TRAF3: variants seen among roughly 807,000 people sequenced by gnomAD.
TRAF3 encodes the protein TNF receptor-associated factor 3.
Under a neutral mutation model 62.3 loss-of-function variants are expected in TRAF3, and 13 were observed. The observed-to-expected ratio is 0.21, with a 90% confidence interval of 0.14 to 0.33. The LOEUF (loss-of-function observed/expected upper bound fraction) is 0.33. Ranked by LOEUF, TRAF3 falls within the 10% of genes least tolerant of loss-of-function variation. The probability of loss-of-function intolerance (pLI) is 1.00; values close to 1 mark genes in which losing one functional copy is unlikely to be tolerated. For missense variants in TRAF3, 440 were observed against 741.8 expected (o/e 0.59, Z 4.73); for synonymous variants, 269 against 283.4 (o/e 0.95, Z 0.51).
chr14:102,905,941 G>A lies in TRAF3; in HGVS notation c.*157G>A. 8.1e-6 allele frequency: 5 copies of A among 620,126 alleles called. No homozygotes were observed. The South Asian group carries it at 8.1e-5, about 10-fold the overall frequency. 38.4% of individuals were successfully genotyped at this position (620,126 alleles called of 1,614,324 possible). A position where few individuals can be genotyped will look rare whatever the true frequency, so the allele number is the denominator to read the frequency against. On this transcript the variant is annotated 3_prime_UTR_variant, in exon 12 of 12. Transcript: ENST00000392745. ...TGCCGGCGGGAGGAGCCACGCGTGA[G>A]CACACCTGACACGTTTTATAATAGA...
chr14:102,801,156 A>G (rs1898388426), intron 1 of TRAF3, among the ~76,000 whole-genome samples: 1 of 151,876 alleles, frequency 6.6e-6, no homozygotes, highest in Admixed American at 6.6e-5. Flanking sequence ...ACAGAACGAG[A>G]CTCCGTGTCT....
chr14:102,872,136 G>A (rs1422601267), intron 4 of TRAF3, among the ~76,000 whole-genome samples, 168 bp downstream of exon 4: 7 of 152,224 alleles, frequency 4.6e-5, no homozygotes, highest in African/African-American at 1.7e-4. Flanking sequence ...TGGGCAGACA[G>A]TGGATTCAGA....
At chr14:102,881,906 T>C (rs527827038) in intron 6 of TRAF3, among the ~76,000 whole-genome samples, 2 of 152,350 alleles carry the variant, frequency 1.3e-5, no homozygotes, top group Admixed American at 6.5e-5. Flanking sequence ...CAGATGAGGC[T>C]GTAACAGGTC....
chr14:102,904,627 G>A (rs1181204944), intron 11 of TRAF3, among the ~76,000 whole-genome samples: 2 of 150,400 alleles, frequency 1.3e-5, no homozygotes, highest in Non-Finnish European at 3.0e-5. Flanking sequence ...TGGCTAACAC[G>A]GTGAAACCCC....
intron 2 of TRAF3, among the ~76,000 whole-genome samples, chr14:102,842,423 A>T (rs1354496250): frequency 2.0e-5 from 3 of 151,966 alleles, no homozygotes; most frequent in Non-Finnish European, 4.4e-5. Context: ...AAGACGTAGC[A>T]GTAGAAGCTT....
intron 2 of TRAF3, among the ~76,000 whole-genome samples, chr14:102,837,140 G>T (rs201504784): frequency 3.1e-4 from 32 of 102,214 alleles, no homozygotes; most frequent in African/African-American, 9.4e-4. Context: ...GTGTGTGTGT[G>T]TGTTTTTTTT....
chr14:102,883,090 A>G (rs1389464879), intron 6 of TRAF3, among the ~76,000 whole-genome samples: 2 of 152,222 alleles, frequency 1.3e-5, no homozygotes, highest in African/African-American at 4.8e-5. Flanking sequence ...GTTAACCAGC[A>G]GTTCTTCTCC....
At position 102,870,676 on chromosome 14, in the gene TRAF3, A is replaced by T. The variant is rs897804587; in HGVS notation, c.245+230A>T. The stretch of plus-strand genomic sequence containing the variant: ...TGACCTGCCCCGCCCGTGTCTTCCC[A>T]CTCCGTCTGTAGAGCCTTGGTGCCC... On this transcript the variant is annotated intron_variant, in intron 3 of 11. Transcript: ENST00000392745. 3.1e-4 allele frequency among the ~76,000 whole-genome samples: 47 copies of T among 151,384 alleles called. 2 individuals are homozygous for T. The highest frequency in any genetic ancestry group is 6.8e-3 in the Middle Eastern group (2 of 292).
chr14:102,802,801 C>T (rs972861738), intron 1 of TRAF3, among the ~76,000 whole-genome samples: 2 of 152,076 alleles, frequency 1.3e-5, no homozygotes, highest in African/African-American at 4.8e-5. Context: ...GCACTCTAGC[C>T]TGGGCAACCG....
Position 102,907,230 on chromosome 14 carries a change from AG to A in TRAF3, c.*1447del, listed in dbSNP as rs1890627735. 6.6e-6 allele frequency: 1 copy of A among 152,238 alleles called. No individual in the cohort carries two copies. The highest frequency in any genetic ancestry group is 2.4e-5 in the African/African-American group (1 of 41,468). The allele number at this position is 152,238 out of a possible 1,614,324, so 9.4% of individuals were successfully genotyped here. A position where few individuals can be genotyped will look rare whatever the true frequency, so the allele number is the denominator to read the frequency against. On this transcript the variant is annotated 3_prime_UTR_variant, in exon 12 of 12. Transcript: ENST00000392745. ...CCACCGGGGCCGTGGGCACCCCCACAGCCCGAAGCAGAACCCTCTGAGCATT... is the reference window on the plus strand; with the variant it reads ...CCACCGGGGCCGTGGGCACCCCCACACCCGAAGCAGAACCCTCTGAGCATT...
At position 102,862,766 on chromosome 14, in the gene TRAF3, A is replaced by G. The variant is rs576950357; in HGVS notation, c.-17-7419A>G. 3.3e-5 allele frequency among the ~76,000 whole-genome samples: 5 copies of G among 152,208 alleles called. No homozygotes were observed. The South Asian group carries it at 1.0e-3, about 32-fold the overall frequency. On this transcript the variant is annotated intron_variant, in intron 2 of 11. Transcript: ENST00000392745. Reference sequence around the variant, plus strand: ...ATGTTGGTACAATTGATGGTGTCCCACAAGTCTCTGAGGCTGTTTATTTTC... The same window carrying G: ...ATGTTGGTACAATTGATGGTGTCCCGCAAGTCTCTGAGGCTGTTTATTTTC...
chr14:102,777,968 A>G (rs1438827646), intron 1 of TRAF3, among the ~76,000 whole-genome samples: 2 of 149,874 alleles, frequency 1.3e-5, no homozygotes. Context: ...GCACCTTTTC[A>G]GGAAACGGGG....
chr14:102,860,149 C>T (rs950291597), intron 2 of TRAF3, among the ~76,000 whole-genome samples: 4 of 152,182 alleles, frequency 2.6e-5, no homozygotes, highest in African/African-American at 9.7e-5. Flanking sequence ...GCTCTTAATC[C>T]AGACACACAA....
rs906393886 is a variant in TRAF3 at position 102,785,787 on chromosome 14, C to T, written c.-157+8112C>T. ...TGAGCAGAGATGTAGGGGCTTGTTTCATGGCCATTTGTACCTGCTCCAGGA... is the reference window on the plus strand; with the variant it reads ...TGAGCAGAGATGTAGGGGCTTGTTTTATGGCCATTTGTACCTGCTCCAGGA... On this transcript the variant is annotated intron_variant, in intron 1 of 11. Transcript: ENST00000392745. Among the ~76,000 whole-genome samples, 2 of 152,170 alleles carry T rather than the reference C, an allele frequency of 1.3e-5. 1 individual carries two copies. Among genetic ancestry groups the T allele is most frequent in the Non-Finnish European group, 2.9e-5 (2 of 68,032 alleles).
chr14:102,813,458 C>CTTTTT (rs913736425), intron 1 of TRAF3, among the ~76,000 whole-genome samples: 8 of 140,476 alleles, frequency 5.7e-5, no homozygotes, highest in South Asian at 4.5e-4. Flanking sequence ...CTTTTCTTTT[C>CTTTTT]TTTTTTTTTT....
chr14:102,898,491 C>G (rs371684015), intron 10 of TRAF3, among the ~76,000 whole-genome samples: 1 of 152,250 alleles, frequency 6.6e-6, no homozygotes, highest in Non-Finnish European at 1.5e-5. Flanking sequence ...CTGCGGGGCC[C>G]TGGCCATCCT....
intron 1 of TRAF3, among the ~76,000 whole-genome samples, chr14:102,827,497 AT>A (rs1253607533): frequency 6.6e-6 from 1 of 152,224 alleles, no homozygotes; most frequent in East Asian, 1.9e-4. Flanking sequence ...ATTTTATGCA[AT>A]ATTCTTAAAT....
chr14:102,801,728 AT>A (rs1898427375), intron 1 of TRAF3, among the ~76,000 whole-genome samples: 1 of 151,684 alleles, frequency 6.6e-6, no homozygotes, highest in African/African-American at 2.4e-5. Flanking sequence ...AATTAAAAAA[AT>A]TTTTTTTGGT....
At chr14:102,899,371 A>C (rs538527539) in intron 10 of TRAF3, among the ~76,000 whole-genome samples, 9 of 152,290 alleles carry the variant, frequency 5.9e-5, no homozygotes, top group African/African-American at 2.2e-4. Flanking sequence ...CTTGAGCAGC[A>C]GCCCAGCTCA....
Sources: gnomAD v4.1 joint callset for allele counts (sites outside exome capture counted in the v4.1 genomes callset) on GRCh38, gnomAD v4.1.1 for gene constraint, MANE v1.5 for transcripts, NCBI Gene and HGNC (gene_info 2026-07-23, HGNC 2026-07-21) for gene names.